FNDC7: variants seen among roughly 807,000 people sequenced by gnomAD.
FNDC7 encodes fibronectin type III domain containing 7.
Under a neutral mutation model 74.2 loss-of-function variants are expected in FNDC7, and 66 were observed. That is an observed-to-expected ratio of 0.89 (90% CI 0.73 to 1.09). The LOEUF (loss-of-function observed/expected upper bound fraction) is 1.09. Among genes scored for constraint, FNDC7 ranks in the 50% least tolerant of loss-of-function variants. The probability of loss-of-function intolerance (pLI) is 0.00; values close to 1 mark genes in which losing one functional copy is unlikely to be tolerated. For missense variants in FNDC7, 829 were observed against 893.4 expected (o/e 0.93, Z 0.92); for synonymous variants, 307 against 330.2 (o/e 0.93, Z 0.76).
intron 5 of FNDC7, among the ~76,000 whole-genome samples, chr1:108,725,056 G>C (rs1254341684): frequency 6.6e-6 from 1 of 151,726 alleles, no homozygotes; most frequent in African/African-American, 2.4e-5. Flanking sequence ...GCTCCAGCCT[G>C]GGCAACCGAG....
At position 108,722,591 on chromosome 1, in the gene FNDC7, T is replaced by A; in HGVS notation, c.855T>A (p.Thr285=). Residue 285 remains threonine (T), a splice_region_variant and synonymous_variant, in exon 5 of 13, where the codon ACT becomes ACA. Transcript: ENST00000370017. ...CATCTTCAGCAATGACCCTGAAAAC[T>A]GGTATGTAAACAAGAGTGAGACTGC... is the stretch of plus-strand genomic sequence containing the variant. ...SKSSSAMTLK[T]VACAPGRVTI... 6.2e-7 allele frequency: 1 copy of A among 1,611,506 alleles called. No homozygotes were observed. Among genetic ancestry groups the A allele is most frequent in the Non-Finnish European group, 8.5e-7 (1 of 1,178,262 alleles).
At chr1:108,719,592 T>C (rs1421759020) in intron 4 of FNDC7, among the ~76,000 whole-genome samples, 2 of 152,198 alleles carry the variant, frequency 1.3e-5, no homozygotes, top group Non-Finnish European at 2.9e-5. Context: ...GAAGTCAGCA[T>C]GGGGCTTCCC....
chr1:108,736,001 T>C (rs546420535), intron 10 of FNDC7, among the ~76,000 whole-genome samples: 6 of 151,926 alleles, frequency 3.9e-5, no homozygotes, highest in Non-Finnish European at 8.8e-5. Context: ...AGAGACAAGG[T>C]CTTGCTTTGT....
In FNDC7 at chr1:108,718,907, G is replaced by C; in HGVS notation, c.456G>C (p.Leu152Phe). Residue 152 changes from leucine (L) to phenylalanine (F), a missense_variant, in exon 4 of 13, where the codon TTG (leucine) becomes TTC (phenylalanine). Leu to Phe is a conservative substitution (Grantham distance 22). Transcript: ENST00000370017. Reference sequence around the variant, plus strand: ...TGTCCATTATGCGAGCCAATGGCTTGGGGAGTATATGGAAAGAGAATACTA... The same window carrying C: ...TGTCCATTATGCGAGCCAATGGCTTCGGGAGTATATGGAAAGAGAATACTA... ...FSVSIMRANG[L>F]GSIWKENTTN... 12 of 1,551,662 alleles carry C rather than the reference G, an allele frequency of 7.7e-6. No individual in the cohort carries two copies. The highest frequency in any genetic ancestry group is 1.0e-5 in the Non-Finnish European group (12 of 1,146,992).
chr1:108,719,086 T>G, intron 4 of FNDC7, 37 bp downstream of exon 4: 2 of 1,548,316 alleles, frequency 1.3e-6, no homozygotes, highest in Non-Finnish European at 1.7e-6. Flanking sequence ...ACAATTCTAC[T>G]TTTGATTAAT....
Position 108,728,006 on chromosome 1 carries a change from A to C in FNDC7, c.1310A>C (p.Tyr437Ser). ...GACACCAAGTACAACATCACAGTGT[A>C]TTCATTCAATGAAGTCCGAGGCAGC... Reference protein sequence around the residue: ...ECDTKYNITVYSFNEVRGSNM... With the variant: ...ECDTKYNITVSSFNEVRGSNM... Residue 437 changes from tyrosine (Y) to serine (S), a missense_variant, in exon 7 of 13, where the codon TAT becomes TCT. Physicochemically the swap from Tyr to Ser is moderately radical, Grantham distance 144. Coordinates refer to ENST00000370017, the MANE Select transcript of FNDC7 (RefSeq NM_001144937.3). 6.2e-7 allele frequency: 1 copy of C among 1,614,166 alleles called. No individual in the cohort carries two copies.
At chr1:108,731,048 A>T in intron 9 of FNDC7, 120 bp downstream of exon 9, 1 of 1,177,414 alleles carries the variant, frequency 8.5e-7, no homozygotes, top group Non-Finnish European at 1.2e-6. Context: ...TTATAAACTC[A>T]GATTACTTTC....
intron 10 of FNDC7, among the ~76,000 whole-genome samples, chr1:108,735,444 G>GTGTTCACAGTCCCTTATAATC (rs1553193674): frequency 1.3e-5 from 2 of 152,016 alleles, no homozygotes; most frequent in Non-Finnish European, 2.9e-5. Context: ...TCTGGGCATG[G>GTGTTCACAGTCCCTTATAATC]TGTTCACAGT....
At chr1:108,722,141 A>G (rs138635007) in intron 4 of FNDC7, among the ~76,000 whole-genome samples, 194 bp from the exon 5 acceptor site, 6 of 152,092 alleles carry the variant, frequency 3.9e-5, no homozygotes, top group African/African-American at 1.5e-4. Flanking sequence ...CACACAGTAT[A>G]TTATGAGTTT....
Position 108,718,831 on chromosome 1 carries a change from A to G in FNDC7, c.380A>G (p.Asp127Gly), listed in dbSNP as rs1249618318. The change falls in exon 4 of 13, where the codon GAC (aspartate) becomes GGC (glycine). Residue 127 changes from aspartate (D) to glycine (G), a missense_variant. Transcript: ENST00000370017. ...PILEVSSPSS[D>G]SILVQWEAVY... ...CTAGAAGTAAGCTCTCCAAGTTCAG[A>G]CTCCATTCTTGTGCAGTGGGAAGCT... 6.4e-7 allele frequency: 1 copy of G among 1,551,610 alleles called. No individual in the cohort carries two copies. The highest frequency in any genetic ancestry group is 8.7e-7 in the Non-Finnish European group (1 of 1,146,996).
rs1231567997 is a variant in FNDC7, at chr1:108,716,332, T to G, written c.83-1445T>G. On this transcript the variant is annotated intron_variant, in intron 2 of 12. Coordinates refer to ENST00000370017, the MANE Select transcript of FNDC7 (RefSeq NM_001144937.3). ...GGAGCAGAAGAGAGGTGTGTGTGTG[T>G]GTGTGTGTGTGTGTGTGTGTGTGTG... is the stretch of plus-strand genomic sequence containing the variant. 8.8e-5 allele frequency among the ~76,000 whole-genome samples: 10 copies of G among 113,270 alleles called. No homozygotes were observed. The East Asian group carries it at 2.4e-3, about 28-fold the overall frequency. 74.3% of individuals were successfully genotyped at this position (113,270 alleles called of 152,430 possible). A position where few individuals can be genotyped will look rare whatever the true frequency, so the allele number is the denominator to read the frequency against.
rs17553619 is a variant in FNDC7 at position 108,718,887 on chromosome 1, A to G, written c.436A>G (p.Ile146Val). 0.07 allele frequency: 109,274 copies of G among 1,551,614 alleles called. 4,258 individuals carry two copies. The highest frequency in any genetic ancestry group is 0.11 in the South Asian group (9,220 of 84,050). The change falls in exon 4 of 13, where the codon ATT becomes GTT. Residue 146 changes from isoleucine to valine, a missense_variant. Transcript: ENST00000370017. ...TATGGCAATTGCATTCTCCGTGTCC[A>G]TTATGCGAGCCAATGGCTTGGGGAG... ...VYMAIAFSVS[I>V]MRANGLGSIW...
intron 11 of FNDC7, among the ~76,000 whole-genome samples, chr1:108,738,638 G>A (rs992176948): frequency 7.1e-6 from 1 of 141,370 alleles, no homozygotes; most frequent in African/African-American, 2.6e-5. Context: ...CAGCCTTCCA[G>A]TCGGGGCTGG....
chr1:108,718,824 A>G lies in FNDC7; in HGVS notation c.373A>G (p.Ser125Gly), dbSNP rs1216628060. 1.9e-6 allele frequency: 3 copies of G among 1,551,836 alleles called. No individual in the cohort carries two copies. Among genetic ancestry groups the G allele is most frequent in the Non-Finnish European group, 2.6e-6 (3 of 1,147,048 alleles). The change falls in exon 4 of 13, where the codon AGT (serine) becomes GGT (glycine). Residue 125 changes from serine (S) to glycine (G), a missense_variant. Transcript: ENST00000370017. ...AAPILEVSSP[S>G]SDSILVQWEA... is the part of the protein sequence containing the mutation. ...ACCAATTCTAGAAGTAAGCTCTCCA[A>G]GTTCAGACTCCATTCTTGTGCAGTG...
intron 5 of FNDC7, 81 bp from the exon 6 acceptor site, chr1:108,725,669 G>T: frequency 6.8e-7 from 1 of 1,467,440 alleles, no homozygotes; most frequent in Non-Finnish European, 9.3e-7. Flanking sequence ...AATTTGGGTT[G>T]TATTGAAATC....
At position 108,738,979 on chromosome 1, in the gene FNDC7, G is replaced by A. The variant is rs182030371; in HGVS notation, c.2170+1455G>A. Among the ~76,000 whole-genome samples, 23 of 152,226 alleles carry A rather than the reference G, an allele frequency of 1.5e-4. No homozygotes were observed. The East Asian group carries it at 4.1e-3, about 27-fold the overall frequency. On this transcript the variant is annotated intron_variant, in intron 11 of 12. Transcript: ENST00000370017. Reference sequence around the variant, plus strand: ...GTGAAAGGTACATGGACCTAGGTCTGCATTCTTTAATCAGTATCTCCCTGA... The same window carrying A: ...GTGAAAGGTACATGGACCTAGGTCTACATTCTTTAATCAGTATCTCCCTGA...
Position 108,733,268 on chromosome 1 carries a change from C to T in FNDC7, c.1880-4C>T, listed in dbSNP as rs572724689. 6.2e-7 allele frequency: 1 copy of T among 1,603,314 alleles called. No homozygotes were observed. Among genetic ancestry groups the T allele is most frequent in the East Asian group, 2.2e-5 (1 of 44,544 alleles). Reference sequence around the variant, plus strand: ...ATTTTGTGTTTGTTATTTTTATTGCCTAGGTGCCTGCTGCCCTTTGGGGGT... The same window carrying T: ...ATTTTGTGTTTGTTATTTTTATTGCTTAGGTGCCTGCTGCCCTTTGGGGGT... On this transcript the variant is annotated splice_polypyrimidine_tract_variant and splice_region_variant and intron_variant, in intron 9 of 12. Transcript: ENST00000370017.
intron 4 of FNDC7, among the ~76,000 whole-genome samples, chr1:108,721,653 T>C (rs1661095327): frequency 6.6e-6 from 1 of 152,200 alleles, no homozygotes; most frequent in Non-Finnish European, 1.5e-5. Flanking sequence ...TCTTACGCTT[T>C]TTTAATGCGG....
chr1:108,741,592 A>ACTGCTG (rs1470688862), intron 11 of FNDC7, among the ~76,000 whole-genome samples, 181 bp from the exon 12 acceptor site: 23 of 152,294 alleles, frequency 1.5e-4, no homozygotes, highest in Admixed American at 1.2e-3. Flanking sequence ...CTGGTTAGAA[A>ACTGCTG]CTGCTGATCA....
Sources: gnomAD v4.1 joint callset for allele counts (sites outside exome capture counted in the v4.1 genomes callset) on GRCh38, gnomAD v4.1.1 for gene constraint, MANE v1.5 for transcripts, NCBI Gene and HGNC (gene_info 2026-07-23, HGNC 2026-07-21) for gene names.